The following FRYL variants were observed in gnomAD, a reference collection of about 807,000 sequenced individuals.
The protein encoded by FRYL is FRY like transcription coactivator, also known as protein furry homolog-like.
In FRYL, 150 loss-of-function variants were observed where a neutral mutation model predicts 351.2. The ratio of observed to expected loss-of-function variants is 0.43; its 90% CI spans 0.37 to 0.49. FRYL has a LOEUF of 0.49. Among genes scored for constraint, FRYL ranks in the 20% least tolerant of loss-of-function variants. The pLI is 0.00. For missense variants in FRYL, 3,036 were observed against 3,619.3 expected (o/e 0.84, Z 4.13); for synonymous variants, 1,153 against 1,257.1 (o/e 0.92, Z 1.75).
At chr4:48,502,870 C>CA in intron 60 of FRYL, 25 bp from the exon 61 acceptor site, 1 of 1,595,008 alleles carries the variant, frequency 6.3e-7, no homozygotes, top group Non-Finnish European at 8.6e-7. Flanking sequence ...GATCAGGTCA[C>CA]AAAAAATACA....
At chr4:48,570,706 G>C in intron 27 of FRYL, 121 bp downstream of exon 27, 1 of 653,168 alleles carries the variant, frequency 1.5e-6, no homozygotes. Flanking sequence ...TTTTCACAGT[G>C]ATACATACAG....
At chr4:48,506,931 AGATACAGCT>A (rs1214511273) in intron 59 of FRYL, among the ~76,000 whole-genome samples, 4 of 152,000 alleles carry the variant, frequency 2.6e-5, no homozygotes, top group African/African-American at 9.7e-5. Flanking sequence ...TTTTCTAGTG[AGATACAGCT>A]GATGGCAGCC....
In FRYL at chr4:48,564,018, G is replaced by A. The variant is rs762474932; in HGVS notation, c.3526C>T (p.Arg1176Cys). 4 of 1,614,150 alleles carry A rather than the reference G, an allele frequency of 2.5e-6. No homozygotes were observed. The highest frequency in any genetic ancestry group is 2.2e-5 in the East Asian group (1 of 44,874). The change falls in exon 31 of 64, where the codon CGC (arginine) becomes TGC (cysteine). Residue 1176 changes from arginine to cysteine, a missense_variant. Physicochemically the swap from Arg to Cys is radical, Grantham distance 180. This residue lies in a region of FRYL where 1,987 missense variants were observed against 2,311.7 expected (regional missense o/e 0.86). Coordinates refer to ENST00000358350, the MANE Select transcript of FRYL (RefSeq NM_015030.2). ...ACCCTCCCGGAGCCCGTGTAGCAGC[G>A]GTCCACAGCCCAGTACATCAGGTTG... ...QSNLMYWAVDRCYTGSGRVAA... is the reference protein window; with the variant it reads ...QSNLMYWAVDCCYTGSGRVAA...
At chr4:48,742,972 A>AATTTTTT (rs1298012269) in intron 1 of FRYL, among the ~76,000 whole-genome samples, 2 of 44,496 alleles carry the variant, frequency 4.5e-5, no homozygotes, top group Non-Finnish European at 1.4e-4. Flanking sequence ...ACGCCTGGAT[A>AATTTTTT]ATTTTTTTTT....
chr4:48,592,114 A>ATT (rs1553942042), intron 16 of FRYL, among the ~76,000 whole-genome samples: 59 of 136,898 alleles, frequency 4.3e-4, no homozygotes, highest in African/African-American at 1.6e-3. Flanking sequence ...ATATATATAT[A>ATT]TTTTATCTAA....
At chr4:48,505,265 CTT>C (rs2148721087) in intron 60 of FRYL, 1 of 375,492 alleles carries the variant, frequency 2.7e-6, no homozygotes, top group African/African-American at 2.0e-5. Context: ...GCACATGCAA[CTT>C]AAAAGCCGAC....
At chr4:48,701,919 C>T (rs1478799846) in intron 2 of FRYL, among the ~76,000 whole-genome samples, 1 of 152,074 alleles carries the variant, frequency 6.6e-6, no homozygotes, top group East Asian at 1.9e-4. Context: ...TTTTTGTCAA[C>T]CCAATATACA....
At chr4:48,501,903 T>C (rs1455627019) in intron 61 of FRYL, among the ~76,000 whole-genome samples, 170 bp from the exon 62 acceptor site, 1 of 152,204 alleles carries the variant, frequency 6.6e-6, no homozygotes, top group Non-Finnish European at 1.5e-5. Flanking sequence ...AGACTAAGAT[T>C]AAAATAAAAA....
chr4:48,715,983 T>C (rs1236515769), intron 1 of FRYL, among the ~76,000 whole-genome samples: 10 of 152,058 alleles, frequency 6.6e-5, no homozygotes, highest in African/African-American at 1.9e-4. Context: ...TATCTACAAC[T>C]ATCTGATCTT....
chr4:48,642,733 A>C (rs1444340320), intron 3 of FRYL, among the ~76,000 whole-genome samples: 1 of 152,116 alleles, frequency 6.6e-6, no homozygotes, highest in Non-Finnish European at 1.5e-5. Context: ...TTATTCACTC[A>C]GCTATAGTTT....
At chr4:48,661,682 G>A (rs1041756968) in intron 3 of FRYL, among the ~76,000 whole-genome samples, 1 of 152,164 alleles carries the variant, frequency 6.6e-6, no homozygotes, top group East Asian at 1.9e-4. Flanking sequence ...AGCACTCAGC[G>A]ATGTCACAAA....
intron 3 of FRYL, among the ~76,000 whole-genome samples, chr4:48,641,081 A>G (rs1228690487): frequency 6.6e-6 from 1 of 152,322 alleles, no homozygotes; most frequent in African/African-American, 2.4e-5. Context: ...GCAAATTTCA[A>G]CTTCTGGTGA....
chr4:48,574,216 AT>A (rs1299377922), intron 25 of FRYL, among the ~76,000 whole-genome samples: 1 of 152,188 alleles, frequency 6.6e-6, no homozygotes, highest in Non-Finnish European at 1.5e-5. Flanking sequence ...ATCATCCACA[AT>A]TTAATCATGT....
Position 48,581,601 on chromosome 4 carries a change from C to G in FRYL, c.1991G>C (p.Gly664Ala), listed in dbSNP as rs1232990013. ...MHNKNQDTQH[G>A]VANGASHPPP... Reference sequence around the variant, plus strand: ...GGGATGAGAAGCTCCATTAGCTACACCATGCTTGAAAAACAGAAGTTAAAA... The same window carrying G: ...GGGATGAGAAGCTCCATTAGCTACAGCATGCTTGAAAAACAGAAGTTAAAA... The change falls in exon 21 of 64, where the codon GGT (glycine) becomes GCT (alanine). Residue 664 changes from glycine to alanine, a missense_variant. By Grantham distance (60) the Gly-to-Ala change is moderately conservative. Transcript: ENST00000358350. 2 of 1,584,120 alleles carry G rather than the reference C, an allele frequency of 1.3e-6. No individual in the cohort carries two copies. The highest frequency in any genetic ancestry group is 2.7e-5 in the African/African-American group (2 of 73,070).
At chr4:48,522,727 CTAA>C (rs1361061836) in intron 54 of FRYL, among the ~76,000 whole-genome samples, 171 bp downstream of exon 54, 1 of 152,156 alleles carries the variant, frequency 6.6e-6, no homozygotes, top group East Asian at 1.9e-4. Context: ...CAGTATCAAC[CTAA>C]TAAGTTTAGT....
intron 3 of FRYL, among the ~76,000 whole-genome samples, chr4:48,635,591 T>G (rs1754057384): frequency 6.6e-6 from 1 of 152,190 alleles, no homozygotes; most frequent in South Asian, 2.1e-4. Flanking sequence ...GACACACCAC[T>G]GCATGCTGTG....
intron 4 of FRYL, among the ~76,000 whole-genome samples, chr4:48,632,085 AAAAAAAATATAT>A (rs1753139392): frequency 3.7e-5 from 1 of 26,824 alleles, no homozygotes; most frequent in African/African-American, 8.6e-5. Context: ...AAAAAAAAAA[AAAAAAAATATAT>A]ATATATATAT....
chr4:48,575,322 T>G, intron 24 of FRYL, 81 bp from the exon 25 acceptor site: 1 of 1,437,678 alleles, frequency 7.0e-7, no homozygotes, highest in Admixed American at 1.8e-5. Flanking sequence ...AGTAGTCTTA[T>G]GTCAAGGATA....
chr4:48,556,872 T>C, intron 35 of FRYL, 106 bp downstream of exon 35: 1 of 957,696 alleles, frequency 1.0e-6, no homozygotes, highest in South Asian at 2.4e-5. Context: ...TCCCGGCCCT[T>C]GCCTTGCCTT....
Sources: gnomAD v4.1 joint callset for allele counts (sites outside exome capture counted in the v4.1 genomes callset) on GRCh38, gnomAD v4.1.1 for gene constraint, gnomAD v4.1.1 regional missense constraint, MANE v1.5 for transcripts, NCBI Gene and HGNC (gene_info 2026-07-23, HGNC 2026-07-21) for gene names.